Variants in AGTPBP1 observed in about 807,000 individuals in gnomAD.
AGTPBP1 encodes ATP/GTP binding carboxypeptidase 1, also known as cytosolic carboxypeptidase 1.
In AGTPBP1, 70 loss-of-function variants were observed where a neutral mutation model predicts 143.9. That is an observed-to-expected ratio of 0.49 (90% CI 0.40 to 0.59). The LOEUF is 0.59. AGTPBP1 is among the 20% of genes least tolerant of loss of function. The pLI is 0.00. For synonymous variants in AGTPBP1, 463 were observed against 500.2 expected (o/e 0.93, Z 0.99); for missense variants, 1,229 against 1,464.5 (o/e 0.84, Z 2.62).
the AGTPBP1 span, among the ~76,000 whole-genome samples, chr9:85,762,074 C>T: frequency 6.6e-6 from 1 of 152,270 alleles, no homozygotes; most frequent in South Asian, 2.1e-4. Context: ...CAATGAGATA[C>T]CATCTCACAC....
chr9:85,600,003 T>C (rs1192113368), intron 17 of AGTPBP1, among the ~76,000 whole-genome samples: 1 of 152,168 alleles, frequency 6.6e-6, no homozygotes, highest in African/African-American at 2.4e-5. Flanking sequence ...TTCTCTTCTG[T>C]AAAGTGAGGG....
intron 2 of AGTPBP1, among the ~76,000 whole-genome samples, chr9:85,700,410 C>T (rs931532954): frequency 1.3e-5 from 2 of 152,154 alleles, no homozygotes; most frequent in African/African-American, 2.4e-5. Context: ...AAATGGTGCA[C>T]TAGCTCTTAA....
At position 85,679,501 on chromosome 9, in the gene AGTPBP1, G is replaced by A. The variant is rs576095554; in HGVS notation, c.226-1103C>T. 7.3e-4 allele frequency among the ~76,000 whole-genome samples: 111 copies of A among 151,892 alleles called. 1 individual carries two copies. Among genetic ancestry groups the A allele is most frequent in the Middle Eastern group, 3.4e-3 (1 of 294 alleles). ...CGGCTCACTGCAAGCTCCGCCTCCC[G>A]GGTTCATGCCATTCTCCTGCCTCAG... is the stretch of plus-strand genomic sequence containing the variant. On this transcript the variant is annotated intron_variant, in intron 4 of 25. Transcript: ENST00000357081.
the AGTPBP1 span, among the ~76,000 whole-genome samples, chr9:85,751,623 GTT>G: frequency 2.0e-5 from 3 of 151,920 alleles, no homozygotes; most frequent in Non-Finnish European, 2.9e-5. Flanking sequence ...CTTTTGTTTT[GTT>G]TTGTTTTGAG....
intron 17 of AGTPBP1, among the ~76,000 whole-genome samples, chr9:85,607,939 C>G (rs1245319606): frequency 2.6e-5 from 4 of 152,076 alleles, no homozygotes; most frequent in Admixed American, 2.6e-4. Flanking sequence ...TCTAGTATTA[C>G]AGCTGCGATT....
In AGTPBP1 at chr9:85,672,423, T is replaced by A. The variant is rs570281865; in HGVS notation, c.568+127A>T. On this transcript the variant is annotated intron_variant, in intron 7 of 25. Transcript: ENST00000357081. ...TTGTGGTTGGAGTCAAGAGTTAAAATGAGCCATATTAAATCTTCTCTTTCC... is the reference window on the plus strand; with the variant it reads ...TTGTGGTTGGAGTCAAGAGTTAAAAAGAGCCATATTAAATCTTCTCTTTCC... 6.3e-5 allele frequency: 69 copies of A among 1,100,294 alleles called. No homozygotes were observed. In the African/African-American group the frequency reaches 1.0e-3, roughly 16 times the overall value. The allele number at this position is 1,100,294 out of a possible 1,614,324, so 68.2% of individuals were successfully genotyped here.
the AGTPBP1 span, among the ~76,000 whole-genome samples, chr9:85,751,032 G>T: frequency 6.6e-6 from 1 of 152,312 alleles, no homozygotes; most frequent in South Asian, 2.1e-4. Context: ...CTTTCAGCAA[G>T]GCTGGGCAAT....
chr9:85,796,758 T>C, the AGTPBP1 span, among the ~76,000 whole-genome samples: 2 of 152,188 alleles, frequency 1.3e-5, no homozygotes, highest in African/African-American at 2.4e-5. Context: ...CCCATAAATA[T>C]ATACATCTAC....
intron 17 of AGTPBP1, among the ~76,000 whole-genome samples, chr9:85,601,655 T>C (rs1829679387): frequency 6.6e-6 from 1 of 152,184 alleles, no homozygotes; most frequent in Non-Finnish European, 1.5e-5. Flanking sequence ...CTATGCCTGC[T>C]GCTCAGGAGC....
chr9:85,744,198 T>C (rs1190402994), upstream of AGTPBP1, among the ~76,000 whole-genome samples: 1 of 152,146 alleles, frequency 6.6e-6, no homozygotes, highest in Non-Finnish European at 1.5e-5. Flanking sequence ...CCCAAAATGC[T>C]GAGATTACAG....
At chr9:85,694,306 A>G (rs958345312) in intron 2 of AGTPBP1, among the ~76,000 whole-genome samples, 2 of 151,850 alleles carry the variant, frequency 1.3e-5, no homozygotes, top group Non-Finnish European at 2.9e-5. Context: ...TCCCTCATCT[A>G]TCTTTCCCCT....
chr9:85,567,976 A>C (rs1827214310), intron 25 of AGTPBP1, among the ~76,000 whole-genome samples: 1 of 152,252 alleles, frequency 6.6e-6, no homozygotes, highest in African/African-American at 2.4e-5. Flanking sequence ...ACTCCTAAAC[A>C]TAATGTACTG....
At chr9:85,623,999 T>C (rs187779434) in intron 14 of AGTPBP1, among the ~76,000 whole-genome samples, 157 of 152,298 alleles carry the variant, frequency 1.0e-3, no homozygotes, top group African/African-American at 3.6e-3. Flanking sequence ...CAGGACTGTC[T>C]AGAAAATATA....
intron 23 of AGTPBP1, among the ~76,000 whole-genome samples, chr9:85,581,932 G>A (rs541423025): frequency 3.3e-5 from 5 of 152,060 alleles, no homozygotes; most frequent in Admixed American, 6.5e-5. Context: ...AGGAATGCTC[G>A]AACCAGCAAA....
At chr9:85,575,742 G>GA (rs961938560) in intron 24 of AGTPBP1, among the ~76,000 whole-genome samples, 25 of 152,044 alleles carry the variant, frequency 1.6e-4, no homozygotes, top group African/African-American at 6.0e-4. Context: ...ACACTAGGGG[G>GA]AAAAAATACA....
In AGTPBP1 at chr9:85,632,882, T is replaced by C. The variant is rs995612300; in HGVS notation, c.1795A>G (p.Thr599Ala). 3 of 1,614,172 alleles carry C rather than the reference T, an allele frequency of 1.9e-6. No homozygotes were observed. The highest frequency in any genetic ancestry group is 1.7e-5 in the Admixed American group (1 of 60,016). The change falls in exon 14 of 26, where the codon ACT becomes GCT. Residue 599 changes from threonine (T) to alanine (A), a missense_variant. Thr to Ala is a moderately conservative substitution (Grantham distance 58). This residue lies in a region of AGTPBP1 where 743 missense variants were observed against 812.2 expected (regional missense o/e 0.91). Transcript: ENST00000357081. ...LGKLCCTGVE[T>A]EDDEDTESNS... ...GACTCAGTATCTTCATCATCTTCAGTTTCAACTCCAGTGCAGCAAAGCTTC... is the reference window on the plus strand; with the variant it reads ...GACTCAGTATCTTCATCATCTTCAGCTTCAACTCCAGTGCAGCAAAGCTTC...
chr9:85,692,655 G>A (rs766593112), intron 3 of AGTPBP1, 34 bp downstream of exon 3: 5 of 1,593,966 alleles, frequency 3.1e-6, no homozygotes, highest in East Asian at 2.2e-5. Context: ...AATTAAAAAA[G>A]CATTTCAAAA....
chr9:85,710,068 A>G lies in AGTPBP1; in HGVS notation c.32+2434T>C, dbSNP rs578069743. On this transcript the variant is annotated intron_variant, in intron 2 of 25. Transcript: ENST00000357081. ...TTATTTTCTAATTCTATACACCTCA[A>G]AATTTAACACTTCACTATATACTGG... is the stretch of plus-strand genomic sequence containing the variant. 5.3e-5 allele frequency among the ~76,000 whole-genome samples: 8 copies of G among 152,226 alleles called. No individual in the cohort carries two copies. In the South Asian group the frequency reaches 1.7e-3, roughly 32 times the overall value.
chr9:85,669,734 T>C (rs1025322126), intron 7 of AGTPBP1, among the ~76,000 whole-genome samples, 156 bp from the exon 8 acceptor site: 1 of 151,008 alleles, frequency 6.6e-6, no homozygotes, highest in Non-Finnish European at 1.5e-5. Flanking sequence ...CATGAAGAAA[T>C]AGTGTTTTTT....
Sources: gnomAD v4.1 joint callset for allele counts (sites outside exome capture counted in the v4.1 genomes callset) on GRCh38, gnomAD v4.1.1 for gene constraint, gnomAD v4.1.1 regional missense constraint, MANE v1.5 for transcripts, NCBI Gene and HGNC (gene_info 2026-07-23, HGNC 2026-07-21) for gene names.